The following LURAP1L variants were observed in gnomAD, a reference collection of about 807,000 sequenced individuals.
The protein encoded by LURAP1L is leucine rich adaptor protein 1-like.
In LURAP1L, 12 loss-of-function variants were observed where a neutral mutation model predicts 13.8. That is an observed-to-expected ratio of 0.87 (90% CI 0.56 to 1.41). The LOEUF (loss-of-function observed/expected upper bound fraction) is 1.41, where lower values mean the gene tolerates loss of function less well. Ranked by LOEUF, LURAP1L falls within the 40% of genes most tolerant of loss-of-function variation. The pLI, the probability that LURAP1L is intolerant of heterozygous loss-of-function variation, is 0.00. For synonymous variants in LURAP1L, 139 were observed against 119.2 expected, an observed-to-expected ratio of 1.17 and a Z score of -1.08; for missense variants, 375 against 292.9, an observed-to-expected ratio of 1.28 and a Z score of -2.04.
chr9:12,811,103 T>C (rs1259785355), intron 1 of LURAP1L, among the ~76,000 whole-genome samples: 1 of 152,206 alleles, frequency 6.6e-6, no homozygotes, highest in Non-Finnish European at 1.5e-5. Context: ...AAGTAACTTT[T>C]ATTACCATCC....
chr9:12,816,157 C>G (rs1819802429), intron 1 of LURAP1L, among the ~76,000 whole-genome samples: 2 of 152,080 alleles, frequency 1.3e-5, no homozygotes, highest in Non-Finnish European at 1.5e-5. Context: ...TCTGTAGACT[C>G]TTCCTATTAA....
chr9:12,794,879 G>T (rs1563891511), intron 1 of LURAP1L, among the ~76,000 whole-genome samples: 1 of 151,754 alleles, frequency 6.6e-6, no homozygotes, highest in Non-Finnish European at 1.5e-5. Flanking sequence ...AAGCCCCAAA[G>T]TAATACAGAT....
chr9:12,816,533 T>C (rs1035054949), intron 1 of LURAP1L, among the ~76,000 whole-genome samples: 2 of 152,176 alleles, frequency 1.3e-5, no homozygotes, highest in African/African-American at 4.8e-5. Flanking sequence ...TCCGACTGCA[T>C]TTTTTTCTTA....
chr9:12,821,677 T>A lies in LURAP1L; in HGVS notation c.604T>A (p.Phe202Ile), dbSNP rs200401707. Residue 202 changes from phenylalanine to isoleucine, a missense_variant, in exon 2 of 2, where the codon TTC becomes ATC. Physicochemically the swap from Phe to Ile is conservative, Grantham distance 21. Transcript: ENST00000319264. The stretch of plus-strand genomic sequence containing the variant: ...TCAGACCCCTTCAGACTTGGACCAA[T>A]TCAGTGACAGCTCCCTCATAGAGGA... ...GHQTPSDLDQ[F>I]SDSSLIEDSQ... 1.2e-6 allele frequency: 2 copies of A among 1,614,060 alleles called. No homozygotes were observed. Among genetic ancestry groups the A allele is most frequent in the South Asian group, 2.2e-5 (2 of 91,088 alleles).
At chr9:12,777,624 G>C in intron 1 of LURAP1L, 1 of 952,036 alleles carries the variant, frequency 1.1e-6, no homozygotes, top group Non-Finnish European at 1.2e-6. Context: ...AGATAATACT[G>C]TCATTTTGCT....
chr9:12,780,043 T>A (rs1483481251), intron 1 of LURAP1L, among the ~76,000 whole-genome samples: 1 of 152,134 alleles, frequency 6.6e-6, no homozygotes, highest in Non-Finnish European at 1.5e-5. Context: ...CCAGTTCAAG[T>A]TTTAGAGCTC....
chr9:12,793,660 T>G (rs1482874941), intron 1 of LURAP1L, among the ~76,000 whole-genome samples: 1 of 152,004 alleles, frequency 6.6e-6, no homozygotes, highest in Admixed American at 6.6e-5. Context: ...GATCAAAAAT[T>G]TTGAGAAGAT....
chr9:12,805,794 A>G (rs1401843517), intron 1 of LURAP1L, among the ~76,000 whole-genome samples: 1 of 152,192 alleles, frequency 6.6e-6, no homozygotes, highest in African/African-American at 2.4e-5. Context: ...CGGCTGTTTT[A>G]TACACCTGTT....
chr9:12,821,808 C>T lies in LURAP1L; in HGVS notation c.*48C>T. 1 of 1,549,800 alleles carries T rather than the reference C, an allele frequency of 6.5e-7. No individual in the cohort carries two copies. Among genetic ancestry groups the T allele is most frequent in the East Asian group, 2.3e-5 (1 of 44,032 alleles). Reference sequence around the variant, plus strand: ...GGTGTGCAATGAACTTGTATTTATCCTTCTTCTCCGCTGCTATATTTTTGG... The same window carrying T: ...GGTGTGCAATGAACTTGTATTTATCTTTCTTCTCCGCTGCTATATTTTTGG... On this transcript the variant is annotated 3_prime_UTR_variant, in exon 2 of 2. Transcript: ENST00000319264.
intron 1 of LURAP1L, among the ~76,000 whole-genome samples, chr9:12,813,408 C>T (rs1318950008): frequency 6.6e-6 from 1 of 151,866 alleles, no homozygotes; most frequent in Non-Finnish European, 1.5e-5. Context: ...GTGAAAATAC[C>T]GTATATGCTC....
chr9:12,821,953 T>C lies in LURAP1L; in HGVS notation c.*193T>C. On this transcript the variant is annotated 3_prime_UTR_variant, in exon 2 of 2. Transcript: ENST00000319264. ...AGCTGATTTATTTTTCTCTGTTACA[T>C]CTCTATTTTTTATTTATTACAATGA... The C allele has an allele frequency of 3.8e-6, 2 of 529,872 alleles. No homozygotes were observed. Among genetic ancestry groups the C allele is most frequent in the East Asian group, 6.2e-5 (2 of 32,368 alleles). The allele number at this position is 529,872 out of a possible 1,614,324, so 32.8% of individuals were successfully genotyped here.
intron 1 of LURAP1L, among the ~76,000 whole-genome samples, chr9:12,799,910 T>C (rs1819561604): frequency 1.3e-5 from 2 of 151,632 alleles, no homozygotes; most frequent in African/African-American, 2.4e-5. Context: ...ATGATATATA[T>C]TCTATGTATT....
At chr9:12,804,696 A>T (rs1039126901) in intron 1 of LURAP1L, among the ~76,000 whole-genome samples, 2 of 152,194 alleles carry the variant, frequency 1.3e-5, no homozygotes, top group Non-Finnish European at 2.9e-5. Context: ...AAAAATATAG[A>T]AATATAAAAC....
chr9:12,807,277 A>AACTG (rs552857763), intron 1 of LURAP1L, among the ~76,000 whole-genome samples: 153 of 151,656 alleles, frequency 1.0e-3, no homozygotes, highest in Admixed American at 2.0e-3. Context: ...AAAACTAACT[A>AACTG]ACTGACTAAC....
intron 1 of LURAP1L, among the ~76,000 whole-genome samples, chr9:12,786,583 A>ATAT (rs1384664118): frequency 7.6e-4 from 15 of 19,856 alleles, no homozygotes; most frequent in East Asian, 5.4e-3. Context: ...TATATATATA[A>ATAT]ACCCTTGTGC....
chr9:12,820,263 G>T (rs975828502), intron 1 of LURAP1L, among the ~76,000 whole-genome samples: 1 of 151,874 alleles, frequency 6.6e-6, no homozygotes, highest in Non-Finnish European at 1.5e-5. Context: ...CCAGCACTTT[G>T]GGAGGCCGAG....
intron 1 of LURAP1L, among the ~76,000 whole-genome samples, chr9:12,803,779 G>A (rs1819619003): frequency 6.6e-6 from 1 of 152,120 alleles, no homozygotes; most frequent in Admixed American, 6.6e-5. Context: ...CATGCCAAAG[G>A]ACAACTTAAA....
chr9:12,806,925 A>G (rs1432678143), intron 1 of LURAP1L, among the ~76,000 whole-genome samples: 2 of 143,824 alleles, frequency 1.4e-5, no homozygotes, highest in East Asian at 4.2e-4. Context: ...CAACTATATC[A>G]CTCTACTCTT....
At chr9:12,808,631 G>A (rs1031415223) in intron 1 of LURAP1L, among the ~76,000 whole-genome samples, 11 of 151,998 alleles carry the variant, frequency 7.2e-5, no homozygotes, top group African/African-American at 2.7e-4. Flanking sequence ...TAGGTAAGGT[G>A]TTCTTTTTCC....
Sources: gnomAD v4.1 joint callset for allele counts (sites outside exome capture counted in the v4.1 genomes callset) on GRCh38, gnomAD v4.1.1 for gene constraint, MANE v1.5 for transcripts, NCBI Gene and HGNC (gene_info 2026-07-23, HGNC 2026-07-21) for gene names.